The following RPS6KL1 variants were observed in gnomAD, a reference collection of about 807,000 sequenced individuals.
RPS6KL1 encodes ribosomal protein S6 kinase-like 1.
In RPS6KL1, 41 loss-of-function variants were observed where a neutral mutation model predicts 57.0. That is an observed-to-expected ratio of 0.72 (90% CI 0.56 to 0.93). The LOEUF is 0.93. Among genes scored for constraint, RPS6KL1 ranks in the 40% least tolerant of loss-of-function variants. RPS6KL1 has a pLI of 0.00. For synonymous variants in RPS6KL1, 287 were observed against 309.7 expected, an observed-to-expected ratio of 0.93 and a Z score of 0.77; for missense variants, 697 against 727.7, an observed-to-expected ratio of 0.96 and a Z score of 0.49.
rs1432500130 is a variant in RPS6KL1 at position 74,906,450 on chromosome 14, C to T, written c.*564G>A. On this transcript the variant is annotated 3_prime_UTR_variant, in exon 12 of 12. Transcript: ENST00000557413. ...GGGGTCATCCTGTCCCCTACCTCAT[C>T]CCTCCCTGCACAACAGATGGCATCC... The T allele has an allele frequency of 1.4e-5, 6 of 414,478 alleles. No homozygotes were observed. The highest frequency in any genetic ancestry group is 1.0e-4 in the African/African-American group (5 of 49,062). The allele number at this position is 414,478 out of a possible 1,614,324, so 25.7% of individuals were successfully genotyped here. A position where few individuals can be genotyped will look rare whatever the true frequency, so the allele number is the denominator to read the frequency against.
chr14:74,918,678 C>T (rs1201433668), intron 4 of RPS6KL1, 73 bp from the exon 5 acceptor site: 4 of 1,189,668 alleles, frequency 3.4e-6, no homozygotes, highest in Non-Finnish European at 3.6e-6. Flanking sequence ...TCTCACCAGG[C>T]ATCAGGCAGG....
Position 74,909,605 on chromosome 14 carries a change from A to AGCGCCTC in RPS6KL1, c.1201_1207dup (p.Leu403ArgfsTer66). ...CCGGCACAGCACCCCCTGCTCGTGC[A>AGCGCCTC]GCGCCTCCAGCGCTACCAGCATCTC... On this transcript the variant is annotated frameshift_variant, in exon 8 of 12. Transcript: ENST00000557413. LOFTEE classifies it high-confidence loss of function. The AGCGCCTC allele has an allele frequency of 6.2e-7, 1 of 1,612,394 alleles. No homozygotes were observed. The highest frequency in any genetic ancestry group is 1.1e-5 in the South Asian group (1 of 91,068).
At position 74,908,889 on chromosome 14, in the gene RPS6KL1, C is replaced by A; in HGVS notation, c.1404G>T (p.Trp468Cys). The change falls in exon 10 of 12, where the codon TGG becomes TGT. Residue 468 changes from tryptophan to cysteine, a missense_variant. By Grantham distance (215) the Trp-to-Cys change is radical. Transcript: ENST00000557413. ...ISELTEACDW[W>C]SFGSLLYELL... ...GTTCATACAGTAGAGACCCAAAGCT[C>A]CACCAGTCACAGGCTTCCGTCAGCT... The A allele has an allele frequency of 6.2e-7, 1 of 1,614,180 alleles. No individual in the cohort carries two copies. The highest frequency in any genetic ancestry group is 1.1e-5 in the South Asian group (1 of 91,082).
intron 5 of RPS6KL1, among the ~76,000 whole-genome samples, chr14:74,912,825 A>T (rs1411367964): frequency 6.6e-6 from 1 of 152,244 alleles, no homozygotes; most frequent in African/African-American, 2.4e-5. Context: ...GTTGGTTTCC[A>T]TTAGAGGCAG....
intron 4 of RPS6KL1, among the ~76,000 whole-genome samples, chr14:74,919,433 A>C (rs921995726): frequency 2.0e-5 from 3 of 152,198 alleles, no homozygotes; most frequent in Non-Finnish European, 4.4e-5. Flanking sequence ...GCACACAGAT[A>C]TGTGTGTGTG....
chr14:74,919,736 C>T lies in RPS6KL1; in HGVS notation c.390+109G>A, dbSNP rs567758691. 564 of 1,227,664 alleles carry T rather than the reference C, an allele frequency of 4.6e-4. 7 individuals carry two copies. In the South Asian group the frequency reaches 7.3e-3, roughly 16 times the overall value. The allele number at this position is 1,227,664 out of a possible 1,614,324, so 76.0% of individuals were successfully genotyped here. On this transcript the variant is annotated intron_variant, in intron 4 of 11. Transcript: ENST00000557413. ...CAGCCCAAATAATGACTTCCACTGCCGGCCTCTGCCCTGCAGCCCAGGGCG... is the reference window on the plus strand; with the variant it reads ...CAGCCCAAATAATGACTTCCACTGCTGGCCTCTGCCCTGCAGCCCAGGGCG...
chr14:74,920,186 A>T (rs1336847163), intron 3 of RPS6KL1, among the ~76,000 whole-genome samples: 2 of 152,136 alleles, frequency 1.3e-5, no homozygotes, highest in Non-Finnish European at 2.9e-5. Flanking sequence ...GGAGGTTAGG[A>T]ACCAGGGTCA....
At chr14:74,921,772 CTTTTCT>C in intron 2 of RPS6KL1, 200 bp downstream of exon 2, 2 of 863,444 alleles carry the variant, frequency 2.3e-6, no homozygotes, top group Non-Finnish European at 2.9e-6. Flanking sequence ...ATTCTGTTTT[CTTTTCT>C]TTTTTTTTTT....
intron 3 of RPS6KL1, among the ~76,000 whole-genome samples, chr14:74,920,331 C>T (rs1254431440): frequency 6.6e-6 from 1 of 152,216 alleles, no homozygotes; most frequent in Non-Finnish European, 1.5e-5. Flanking sequence ...GAGAGCATTG[C>T]TTCTTCCATC....
At chr14:74,913,363 C>A (rs1352873896) in intron 5 of RPS6KL1, among the ~76,000 whole-genome samples, 1 of 152,108 alleles carries the variant, frequency 6.6e-6, no homozygotes, top group Non-Finnish European at 1.5e-5. Flanking sequence ...TCAAGACCAG[C>A]CTGGCCAACA....
intron 5 of RPS6KL1, among the ~76,000 whole-genome samples, chr14:74,916,718 GTGCTTTCCATC>G (rs930066310): frequency 2.0e-5 from 3 of 151,982 alleles, no homozygotes; most frequent in Non-Finnish European, 4.4e-5. Flanking sequence ...GCTTTAATTT[GTGCTTTCCATC>G]TGCAGGGGCC....
At position 74,921,509 on chromosome 14, in the gene RPS6KL1, G is replaced by C. The variant is rs765263263; in HGVS notation, c.33C>G (p.Ser11Arg). 6.8e-6 allele frequency: 11 copies of C among 1,613,770 alleles called. No homozygotes were observed. In the South Asian group the frequency reaches 1.1e-4, roughly 16 times the overall value. Residue 11 changes from serine to arginine, a missense_variant, in exon 3 of 12, where the codon AGC becomes AGG. Coordinates refer to ENST00000557413, the MANE Select transcript of RPS6KL1 (RefSeq NM_031464.5). MSLVACECLP[S>R]PGLEPEPCSR... The stretch of plus-strand genomic sequence containing the variant: ...AGCAAGGCTCAGGCTCCAGGCCGGG[G>C]CTGGGCAGGCACTCACAGGCCACCA...
At chr14:74,908,733 G>C (rs1245334680) in intron 10 of RPS6KL1, 117 bp downstream of exon 10, 3 of 884,386 alleles carry the variant, frequency 3.4e-6, no homozygotes, top group African/African-American at 1.6e-5. Context: ...TTCGGGGGCA[G>C]TTGTGCTGGT....
At chr14:74,911,481 G>T in intron 6 of RPS6KL1, 101 bp from the exon 7 acceptor site, 1 of 1,375,700 alleles carries the variant, frequency 7.3e-7, no homozygotes, top group Non-Finnish European at 1.0e-6. Context: ...GAATGAGGGT[G>T]GAGCAACTGC....
In RPS6KL1 at chr14:74,911,279, G is replaced by T. The variant is rs1275915189; in HGVS notation, c.633C>A (p.Asp211Glu). Residue 211 changes from aspartate (D) to glutamate (E), a missense_variant, in exon 7 of 12, where the codon GAC becomes GAA. Coordinates refer to ENST00000557413, the MANE Select transcript of RPS6KL1 (RefSeq NM_031464.5). ...TKLLRYFVSEDSIFLHLEHVQ... is the reference protein window; with the variant it reads ...TKLLRYFVSEESIFLHLEHVQ... Reference sequence around the variant, plus strand: ...CATGCTCCAGGTGCAGGAAGATGGAGTCCTCGCTCACAAAGTACCTGAGCA... The same window carrying T: ...CATGCTCCAGGTGCAGGAAGATGGATTCCTCGCTCACAAAGTACCTGAGCA... 1 of 1,612,730 alleles carries T rather than the reference G, an allele frequency of 6.2e-7. No homozygotes were observed. Among genetic ancestry groups the T allele is most frequent in the Non-Finnish European group, 8.5e-7 (1 of 1,180,014 alleles).
At chr14:74,922,517 C>T (rs1888002763) in intron 1 of RPS6KL1, 32 bp from the exon 2 acceptor site, 1 of 189,072 alleles carries the variant, frequency 5.3e-6, no homozygotes, top group Non-Finnish European at 9.8e-6. Flanking sequence ...GAGTGGCAGA[C>T]TCGGTGCCAC....
At position 74,906,980 on chromosome 14, in the gene RPS6KL1, C is replaced by T; in HGVS notation, c.*34G>A. On this transcript the variant is annotated 3_prime_UTR_variant, in exon 12 of 12. Coordinates refer to ENST00000557413, the MANE Select transcript of RPS6KL1 (RefSeq NM_031464.5). The stretch of plus-strand genomic sequence containing the variant: ...GGCAAGGAGGAGAGGCGATCCAGAC[C>T]AGGCCAGCTGCTTCCGTCACCCGCT... 2 of 1,513,962 alleles carry T rather than the reference C, an allele frequency of 1.3e-6. No homozygotes were observed. Among genetic ancestry groups the T allele is most frequent in the Non-Finnish European group, 1.8e-6 (2 of 1,095,218 alleles). 93.8% of individuals were successfully genotyped at this position (1,513,962 alleles called of 1,614,324 possible). A position where few individuals can be genotyped will look rare whatever the true frequency, so the allele number is the denominator to read the frequency against.
At chr14:74,914,352 T>C (rs1296882377) in intron 5 of RPS6KL1, among the ~76,000 whole-genome samples, 1 of 152,198 alleles carries the variant, frequency 6.6e-6, no homozygotes, top group African/African-American at 2.4e-5. Context: ...CCAAGTGGGA[T>C]TCCCCACCAC....
At chr14:74,922,662 C>T (rs1362362195) in intron 1 of RPS6KL1, among the ~76,000 whole-genome samples, 177 bp from the exon 2 acceptor site, 1 of 152,166 alleles carries the variant, frequency 6.6e-6, no homozygotes, top group Non-Finnish European at 1.5e-5. Flanking sequence ...AATGTGTGAC[C>T]CAGGCGGCCA....
Sources: allele counts gnomAD v4.1 joint callset (sites outside exome capture counted in the v4.1 genomes callset), GRCh38; gene constraint gnomAD v4.1.1; transcripts MANE v1.5; gene names NCBI Gene and HGNC (gene_info 2026-07-23, HGNC 2026-07-21).